Variants in ZNF423 observed in about 807,000 individuals in gnomAD.
The protein encoded by ZNF423 is Ebf-associated zinc finger protein.
A neutral mutation model predicts 95.8 loss-of-function variants in ZNF423; 12 were observed. That is an observed-to-expected ratio of 0.13 (90% CI 0.08 to 0.20). The LOEUF (loss-of-function observed/expected upper bound fraction) is 0.20, where lower values mean the gene tolerates loss of function less well. Among genes scored for constraint, ZNF423 ranks in the 10% least tolerant of loss-of-function variants. ZNF423 has a pLI of 1.00. For missense variants in ZNF423, 1,316 were observed against 1,737.1 expected, an observed-to-expected ratio of 0.76 and a Z score of 4.31; for synonymous variants, 749 against 711.9, an observed-to-expected ratio of 1.05 and a Z score of -0.83.
At chr16:49,699,471 A>G (rs1255594247) in intron 3 of ZNF423, among the ~76,000 whole-genome samples, 2 of 152,168 alleles carry the variant, frequency 1.3e-5, no homozygotes, top group Non-Finnish European at 2.9e-5. Context: ...GGGGGCGCAA[A>G]GGCTCCTCCC....
chr16:49,631,638 AAC>A (rs1972504749), intron 4 of ZNF423, among the ~76,000 whole-genome samples: 1 of 152,148 alleles, frequency 6.6e-6, no homozygotes. Flanking sequence ...GCAGGAAGAA[AAC>A]ACACTTGAGA....
At chr16:49,840,887 C>T (rs1010815893) in intron 1 of ZNF423, among the ~76,000 whole-genome samples, 1 of 152,226 alleles carries the variant, frequency 6.6e-6, no homozygotes, top group Non-Finnish European at 1.5e-5. Context: ...CCCACACAGC[C>T]GCTTCCCTGA....
chr16:49,691,511 T>A (rs1213157435), intron 3 of ZNF423, among the ~76,000 whole-genome samples: 2 of 152,092 alleles, frequency 1.3e-5, no homozygotes, highest in African/African-American at 4.8e-5. Context: ...GGCGGGCGGA[T>A]CACGAGATCA....
intron 3 of ZNF423, among the ~76,000 whole-genome samples, chr16:49,659,678 G>A (rs2030096979): frequency 6.6e-6 from 1 of 152,236 alleles, no homozygotes; most frequent in African/African-American, 2.4e-5. Context: ...AACTGATGGA[G>A]AGCGATCAGT....
intron 5 of ZNF423, among the ~76,000 whole-genome samples, chr16:49,618,049 G>T (rs1971933920): frequency 6.6e-6 from 1 of 152,186 alleles, no homozygotes; most frequent in Non-Finnish European, 1.5e-5. Flanking sequence ...AGATCTCCAT[G>T]GGTATCTTGT....
intron 1 of ZNF423, among the ~76,000 whole-genome samples, chr16:49,837,908 G>A (rs1453707289): frequency 6.6e-6 from 1 of 152,216 alleles, no homozygotes; most frequent in African/African-American, 2.4e-5. Context: ...GTCGAAGTCA[G>A]ATAAGCCAGA....
chr16:49,814,256 T>C (rs2034800902), intron 1 of ZNF423, among the ~76,000 whole-genome samples: 1 of 152,074 alleles, frequency 6.6e-6, no homozygotes, highest in South Asian at 2.1e-4. Flanking sequence ...ATGGACATGA[T>C]TCATCTGCCT....
chr16:49,700,514 C>A (rs1327112587), intron 3 of ZNF423, among the ~76,000 whole-genome samples: 2 of 152,216 alleles, frequency 1.3e-5, no homozygotes, highest in African/African-American at 4.8e-5. Flanking sequence ...GGGGCCGTTC[C>A]TTTCCTGATG....
At chr16:49,834,544 T>C (rs948510830) in intron 1 of ZNF423, among the ~76,000 whole-genome samples, 1 of 151,794 alleles carries the variant, frequency 6.6e-6, no homozygotes, top group Admixed American at 6.5e-5. Flanking sequence ...GCGTCCCCTC[T>C]GGGAAGCACG....
chr16:49,780,198 A>G (rs930786710), intron 2 of ZNF423, among the ~76,000 whole-genome samples: 3 of 152,216 alleles, frequency 2.0e-5, no homozygotes, highest in Non-Finnish European at 4.4e-5. Flanking sequence ...ACACATGTGT[A>G]CATGTATGCA....
chr16:49,530,551 C>T (rs533401999), intron 5 of ZNF423, among the ~76,000 whole-genome samples: 9 of 152,250 alleles, frequency 5.9e-5, no homozygotes, highest in East Asian at 3.9e-4. Flanking sequence ...CACCAGGAGA[C>T]GCTTGACGAG....
intron 1 of ZNF423, chr16:49,853,822 G>A (rs952916165): frequency 2.0e-6 from 2 of 985,360 alleles, no homozygotes; most frequent in African/African-American, 3.5e-5. Flanking sequence ...CTCTCCTTTT[G>A]CTTTCTGGGT....
chr16:49,721,521 C>T (rs2143268586), intron 3 of ZNF423, among the ~76,000 whole-genome samples: 1 of 152,232 alleles, frequency 6.6e-6, no homozygotes, highest in African/African-American at 2.4e-5. Context: ...ACACCGGAAG[C>T]TTTGGCTGCT....
chr16:49,637,780 C>T lies in ZNF423; in HGVS notation c.1396G>A (p.Glu466Lys), dbSNP rs1291466200. The T allele has an allele frequency of 1.9e-6, 3 of 1,613,914 alleles. No homozygotes were observed. Among genetic ancestry groups the T allele is most frequent in the Non-Finnish European group, 1.7e-6 (2 of 1,180,028 alleles). ...DSMPTLYNLN[E>K]HVRKLHKNHA... Reference sequence around the variant, plus strand: ...TTCTTGTGCAGCTTGCGAACGTGCTCGTTGAGGTTGTAGAGGGTGGGCATG... The same window carrying T: ...TTCTTGTGCAGCTTGCGAACGTGCTTGTTGAGGTTGTAGAGGGTGGGCATG... The change falls in exon 4 of 8, where the codon GAG (glutamate) becomes AAG (lysine). Residue 466 changes from glutamate (E) to lysine (K), a missense_variant. Glu to Lys is a moderately conservative substitution (Grantham distance 56). Around this residue, in one of 6 missense-constraint regions of ZNF423, gnomAD observed 399 missense variants for 478.5 expected, o/e 0.83. Coordinates refer to ENST00000563137, the MANE Select transcript of ZNF423 (RefSeq NM_001379286.1). This position sits in a 1 kb window ranked among gnomAD's most constrained non-coding sequence, Gnocchi z 5.6.
At chr16:49,623,022 C>G (rs1682944878) in intron 5 of ZNF423, among the ~76,000 whole-genome samples, 1 of 152,092 alleles carries the variant, frequency 6.6e-6, no homozygotes, top group Non-Finnish European at 1.5e-5. Context: ...CTCTGGTAGA[C>G]TGGGTTGATG....
At chr16:49,714,853 G>A (rs374681740) in intron 3 of ZNF423, among the ~76,000 whole-genome samples, 8 of 152,216 alleles carry the variant, frequency 5.3e-5, no homozygotes, top group South Asian at 2.1e-4. Context: ...TTTGTCCCGC[G>A]GCCCCTGCTC....
At chr16:49,789,585 G>A (rs1597010762) in intron 1 of ZNF423, 39 bp from the exon 2 acceptor site, 1 of 1,598,858 alleles carries the variant, frequency 6.3e-7, no homozygotes, top group East Asian at 2.3e-5. Context: ...GAGTTTGAAG[G>A]CTGTACAAAT....
intron 3 of ZNF423, among the ~76,000 whole-genome samples, chr16:49,647,878 G>A (rs1973238937): frequency 6.6e-6 from 1 of 152,192 alleles, no homozygotes; most frequent in South Asian, 2.1e-4. Context: ...TTGGTACCAG[G>A]AGTGGGGTGC....
chr16:49,684,104 C>G (rs1212927294), intron 3 of ZNF423, among the ~76,000 whole-genome samples: 1 of 152,126 alleles, frequency 6.6e-6, no homozygotes, highest in Admixed American at 6.6e-5. Context: ...AGAGCAGCTA[C>G]AAGGACCACA....
Sources: allele counts gnomAD v4.1 joint callset (sites outside exome capture counted in the v4.1 genomes callset), GRCh38; gene constraint gnomAD v4.1.1; regional missense constraint gnomAD v4.1.1; non-coding constraint Gnocchi (gnomAD v3.1); transcripts MANE v1.5; gene names NCBI Gene and HGNC (gene_info 2026-07-23, HGNC 2026-07-21).